IL1RAPL2: variants seen among roughly 807,000 people sequenced by gnomAD.
IL1RAPL2 encodes X-linked interleukin-1 receptor accessory protein-like 2.
In IL1RAPL2, 3 loss-of-function variants were observed where a neutral mutation model predicts 44.1. The observed-to-expected ratio is 0.07, with a 90% CI of 0.03 to 0.18. The LOEUF is 0.18. IL1RAPL2 is among the 10% of genes least tolerant of loss of function. The pLI is 1.00. For synonymous variants in IL1RAPL2, 181 were observed against 178.8 expected (o/e 1.01, Z -0.10); for missense variants, 391 against 496.4 (o/e 0.79, Z 2.02).
chrX:105,173,318 C>T (rs1324445328), intron 2 of IL1RAPL2, among the ~76,000 whole-genome samples: 2 of 111,834 alleles, frequency 1.8e-5, no homozygotes, highest in Non-Finnish European at 3.8e-5. Flanking sequence ...CGGGTTTGCC[C>T]GTGGATGGTT....
In IL1RAPL2 at chrX:105,051,837, G is replaced by T. The variant is rs183366602; in HGVS notation, c.83-143638G>T. ...AACAATGAGAACACATGAACACAGA[G>T]AGGGGAACAACATACACCAGGGCCT... On this transcript the variant is annotated intron_variant, in intron 2 of 10. Coordinates refer to ENST00000372582, the MANE Select transcript of IL1RAPL2 (RefSeq NM_017416.2). Among the ~76,000 whole-genome samples, 4 of 112,489 alleles carry T rather than the reference G, an allele frequency of 3.6e-5. No individual in the cohort carries two copies. In the East Asian group the frequency reaches 1.1e-3, roughly 32 times the overall value.
At chrX:105,234,867 G>A (rs1052566512) in intron 4 of IL1RAPL2, among the ~76,000 whole-genome samples, 1 of 109,751 alleles carries the variant, frequency 9.1e-6, no homozygotes, top group African/African-American at 3.3e-5. Context: ...GTTTGGGCAG[G>A]CTTGAAGAAA....
chrX:105,473,596 A>C (rs966619542), intron 5 of IL1RAPL2, among the ~76,000 whole-genome samples: 1 of 112,353 alleles, frequency 8.9e-6, no homozygotes, highest in African/African-American at 3.2e-5. Context: ...AGCACATCCA[A>C]ACAACTGAAC....
intron 6 of IL1RAPL2, among the ~76,000 whole-genome samples, chrX:105,609,520 C>T (rs1334245698): frequency 8.1e-5 from 9 of 111,651 alleles, no homozygotes; most frequent in Non-Finnish European, 1.3e-4. Flanking sequence ...ATATTTCCAT[C>T]TTTGTTAAGT....
At chrX:105,375,404 A>G (rs1157668675) in intron 5 of IL1RAPL2, among the ~76,000 whole-genome samples, 2 of 111,047 alleles carry the variant, frequency 1.8e-5, no homozygotes, top group Admixed American at 9.6e-5. Flanking sequence ...CCAGCTGCTC[A>G]GGAGGCTGAG....
At chrX:105,322,975 A>G (rs2034907352) in intron 5 of IL1RAPL2, among the ~76,000 whole-genome samples, 1 of 112,035 alleles carries the variant, frequency 8.9e-6, no homozygotes, top group South Asian at 3.7e-4. Flanking sequence ...CTAACATTTT[A>G]TGCAAAAATT....
chrX:104,880,884 TG>T (rs1923050722), intron 2 of IL1RAPL2, among the ~76,000 whole-genome samples: 1 of 111,919 alleles, frequency 8.9e-6, no homozygotes, highest in Admixed American at 9.5e-5. Context: ...GATTGATTTT[TG>T]TAGGCTATTA....
intron 2 of IL1RAPL2, among the ~76,000 whole-genome samples, chrX:104,849,117 T>C (rs1475870709): frequency 9.2e-6 from 1 of 108,817 alleles, no homozygotes; most frequent in Non-Finnish European, 1.9e-5. Context: ...TCAGCCTCCA[T>C]CTCCTGGGCT....
At chrX:105,347,601 TCAG>T (rs1412859333) in intron 5 of IL1RAPL2, among the ~76,000 whole-genome samples, 2 of 101,136 alleles carry the variant, frequency 2.0e-5, no homozygotes, top group East Asian at 3.1e-4. Context: ...ATCATCATCA[TCAG>T]CCAACATCAC....
intron 2 of IL1RAPL2, among the ~76,000 whole-genome samples, chrX:104,847,275 A>G (rs377708083): frequency 6.3e-5 from 7 of 111,837 alleles, no homozygotes; most frequent in East Asian, 5.6e-4. Flanking sequence ...GCCCATGCCT[A>G]TGTCCTGAAT....
chrX:104,950,026 G>A (rs1467723222), intron 2 of IL1RAPL2, among the ~76,000 whole-genome samples: 3 of 111,043 alleles, frequency 2.7e-5, no homozygotes, highest in Non-Finnish European at 5.7e-5. Flanking sequence ...GGGTGTTAAC[G>A]TCTCCCTTTA....
chrX:104,752,949 C>T (rs764466132), intron 2 of IL1RAPL2, among the ~76,000 whole-genome samples: 2 of 109,721 alleles, frequency 1.8e-5, no homozygotes, highest in South Asian at 7.9e-4. Flanking sequence ...TATAACTTTG[C>T]TCATGTGCCC....
chrX:105,642,609 A>G (rs2037577053), intron 6 of IL1RAPL2, among the ~76,000 whole-genome samples: 1 of 111,631 alleles, frequency 9.0e-6, no homozygotes, highest in Admixed American at 9.5e-5. Context: ...TCCCAGTAAA[A>G]CCCTCATTGG....
intron 6 of IL1RAPL2, among the ~76,000 whole-genome samples, chrX:105,709,130 A>C (rs1326434853): frequency 8.9e-6 from 1 of 112,129 alleles, no homozygotes; most frequent in Non-Finnish European, 1.9e-5. Context: ...AGATATGAAA[A>C]ACACTGGGTC....
intron 2 of IL1RAPL2, among the ~76,000 whole-genome samples, chrX:104,813,179 G>C (rs1451094441): frequency 2.7e-5 from 3 of 111,935 alleles, no homozygotes; most frequent in Non-Finnish European, 5.7e-5. Flanking sequence ...TGAGGAAGTG[G>C]TATTTATACA....
chrX:105,520,787 C>T (rs1407715345), intron 6 of IL1RAPL2, among the ~76,000 whole-genome samples: 1 of 110,911 alleles, frequency 9.0e-6, no homozygotes, highest in Non-Finnish European at 1.9e-5. Flanking sequence ...AAAACTGCAA[C>T]TGCTTATACT....
chrX:104,742,001 A>G (rs183317635), intron 2 of IL1RAPL2, among the ~76,000 whole-genome samples: 1 of 111,264 alleles, frequency 9.0e-6, no homozygotes, highest in African/African-American at 3.3e-5. Context: ...CATTCTTTCT[A>G]TGACTAAATA....
chrX:105,019,083 G>A (rs192102542), intron 2 of IL1RAPL2, among the ~76,000 whole-genome samples: 227 of 111,704 alleles, frequency 2.0e-3, no homozygotes, highest in African/African-American at 6.1e-3. Flanking sequence ...ACTAGGCCAA[G>A]TATTTTGTTT....
rs763253481 is a variant in IL1RAPL2 at position 105,283,717 on chromosome X, A to ACAGTTAAAT, written c.697+16177_697+16185dup. ...ATACTCTAGAGGGGATGTAGAGTAG[A>ACAGTTAAAT]CAGTTAAATATATGAATCTGGCATT... On this transcript the variant is annotated intron_variant, in intron 5 of 10. Transcript: ENST00000372582. 6.9e-4 allele frequency among the ~76,000 whole-genome samples: 77 copies of ACAGTTAAAT among 110,981 alleles called. 1 individual carries two copies. Among genetic ancestry groups the ACAGTTAAAT allele is most frequent in the African/African-American group, 2.5e-3 (75 of 30,573 alleles).
Sources: allele counts gnomAD v4.1 joint callset (sites outside exome capture counted in the v4.1 genomes callset), GRCh38; gene constraint gnomAD v4.1.1; transcripts MANE v1.5; gene names NCBI Gene and HGNC (gene_info 2026-07-23, HGNC 2026-07-21).